Variants in VAV1 observed in about 807,000 individuals in gnomAD.
VAV1 encodes proto-oncogene vav.
Under a neutral mutation model 128.1 loss-of-function variants are expected in VAV1, and 33 were observed. The observed-to-expected ratio is 0.26, with a 90% CI of 0.20 to 0.34. The LOEUF (loss-of-function observed/expected upper bound fraction) is 0.34, where lower values mean the gene tolerates loss of function less well. Among genes scored for constraint, VAV1 ranks in the 10% least tolerant of loss-of-function variants. The pLI, the probability that VAV1 is intolerant of heterozygous loss-of-function variation, is 1.00. For missense variants in VAV1, 715 were observed against 1,093.7 expected (o/e 0.65, Z 4.88); for synonymous variants, 394 against 409.8 (o/e 0.96, Z 0.47).
At chr19:6,808,839 T>C (rs1335083323) in intron 1 of VAV1, among the ~76,000 whole-genome samples, 2 of 152,096 alleles carry the variant, frequency 1.3e-5, no homozygotes, top group Non-Finnish European at 2.9e-5. Flanking sequence ...GTAGGTAGTC[T>C]AGGAGGGCCT....
At chr19:6,851,377 T>G (rs1053602086) in intron 24 of VAV1, among the ~76,000 whole-genome samples, 2 of 152,088 alleles carry the variant, frequency 1.3e-5, no homozygotes, top group Non-Finnish European at 2.9e-5. Context: ...AGATGGGGAC[T>G]TGCTTTGTTG....
At chr19:6,811,502 G>A (rs905280194) in intron 1 of VAV1, among the ~76,000 whole-genome samples, 1 of 152,154 alleles carries the variant, frequency 6.6e-6, no homozygotes, top group African/African-American at 2.4e-5. Context: ...TGTTAAGGGA[G>A]GCTGCAGTTG....
At chr19:6,850,240 T>C (rs1222194884) in intron 23 of VAV1, among the ~76,000 whole-genome samples, 2 of 131,860 alleles carry the variant, frequency 1.5e-5, no homozygotes, top group Non-Finnish European at 3.2e-5. Context: ...TTTTTTTTTT[T>C]TTTTTGTGAT....
chr19:6,783,464 T>C (rs1035921243), intron 1 of VAV1, among the ~76,000 whole-genome samples: 27 of 137,692 alleles, frequency 2.0e-4, no homozygotes, highest in Admixed American at 1.1e-3. Context: ...CGCCATCACC[T>C]CCATCCTTTT....
intron 1 of VAV1, among the ~76,000 whole-genome samples, chr19:6,791,464 G>GGTCCTTGAGCTACCTCCTCATCTCAA (rs1971017588): frequency 6.6e-6 from 1 of 150,818 alleles, no homozygotes; most frequent in Non-Finnish European, 1.5e-5. Context: ...CCTTATCCTG[G>GGTCCTTGAGCTACCTCCTCATCTCAA]GGTCCTTGAG....
At chr19:6,809,977 C>A (rs1179683884) in intron 1 of VAV1, among the ~76,000 whole-genome samples, 2 of 151,866 alleles carry the variant, frequency 1.3e-5, no homozygotes, top group Non-Finnish European at 2.9e-5. Flanking sequence ...TCAAAACCAG[C>A]CTGGACAATG....
Position 6,777,234 on chromosome 19 carries a change from TATCCATCCATCCATCCATCC to T in VAV1, c.204+4257_204+4276del, listed in dbSNP as rs57771330. Among the ~76,000 whole-genome samples, 107 of 145,536 alleles carry T rather than the reference TATCCATCCATCCATCCATCC, an allele frequency of 7.4e-4. 1 individual carries two copies. The highest frequency in any genetic ancestry group is 1.8e-3 in the South Asian group (8 of 4,376). On this transcript the variant is annotated intron_variant, in intron 1 of 26. Coordinates refer to ENST00000602142, the MANE Select transcript of VAV1 (RefSeq NM_005428.4). This position sits in a 1 kb window ranked among gnomAD's most constrained non-coding sequence, Gnocchi z 4.4. Reference sequence around the variant, plus strand: ...TCATCCATCCATTTATCTGTTTAACTATCCATCCATCCATCCATCCATCCATCCATCCATCCATCCATCCA... The same window carrying T: ...TCATCCATCCATTTATCTGTTTAACTATCCATCCATCCATCCATCCATCCA...
intron 1 of VAV1, among the ~76,000 whole-genome samples, chr19:6,804,608 G>A (rs1452295922): frequency 6.6e-6 from 1 of 151,860 alleles, no homozygotes; most frequent in Non-Finnish European, 1.5e-5. Context: ...GTAGAGATGA[G>A]GTTTCGCCAT....
At chr19:6,814,663 C>T (rs867898696) in intron 1 of VAV1, among the ~76,000 whole-genome samples, 436 of 26,392 alleles carry the variant, frequency 0.017, no homozygotes, top group African/African-American at 0.044. Flanking sequence ...TTCCTTCCTT[C>T]CTTCCTTCCT....
Position 6,825,027 on chromosome 19 carries a change from G to A in VAV1, c.655-26G>A, listed in dbSNP as rs142537955. 8.9e-5 allele frequency: 144 copies of A among 1,613,000 alleles called. 1 individual carries two copies. The highest frequency in any genetic ancestry group is 3.3e-4 in the Middle Eastern group (2 of 5,992). ...TCTGGAGGAGGGAATCTTATCTTCC[G>A]TCATCTTTCTCTCCCTTCCCCGCAG... On this transcript the variant is annotated intron_variant, in intron 6 of 26. Coordinates refer to ENST00000602142, the MANE Select transcript of VAV1 (RefSeq NM_005428.4).
intron 1 of VAV1, chr19:6,816,505 T>TGTCTCA (rs1971655593): frequency 6.8e-6 from 1 of 148,010 alleles, no homozygotes; most frequent in African/African-American, 2.6e-5. Flanking sequence ...TCTCTCTCTC[T>TGTCTCA]CACACGCACA....
intron 1 of VAV1, among the ~76,000 whole-genome samples, chr19:6,812,221 G>C (rs942032163): frequency 1.3e-4 from 20 of 152,196 alleles, no homozygotes; most frequent in African/African-American, 4.8e-4. Flanking sequence ...TAGACAGCAG[G>C]AATAGAACTA....
chr19:6,837,304 G>A (rs1755444379), intron 21 of VAV1, among the ~76,000 whole-genome samples: 1 of 152,166 alleles, frequency 6.6e-6, no homozygotes, highest in Non-Finnish European at 1.5e-5. Flanking sequence ...GGTATGGTAG[G>A]GAGGAAGGAG....
chr19:6,819,266 T>G (rs1247853142), intron 1 of VAV1, among the ~76,000 whole-genome samples: 2 of 152,184 alleles, frequency 1.3e-5, no homozygotes, highest in Non-Finnish European at 2.9e-5. Flanking sequence ...CTGAACCTAT[T>G]GAGCCTTTAT....
rs1193087170 is a variant in VAV1 at position 6,841,800 on chromosome 19, T to C, written c.1981-1335T>C. ...ATACTGTTTTTCATAGTGCACCATT[T>C]TCCATTCCCACCAACAGTGCACAAG... On this transcript the variant is annotated intron_variant, in intron 21 of 26. Coordinates refer to ENST00000602142, the MANE Select transcript of VAV1 (RefSeq NM_005428.4). Among the ~76,000 whole-genome samples the C allele has an allele frequency of 4.6e-5, 7 of 152,210 alleles. No individual in the cohort carries two copies. In the East Asian group the frequency reaches 7.7e-4, roughly 17 times the overall value.
chr19:6,785,313 G>A (rs1436848101), intron 1 of VAV1, among the ~76,000 whole-genome samples: 1 of 151,922 alleles, frequency 6.6e-6, no homozygotes, highest in Non-Finnish European at 1.5e-5. Flanking sequence ...CTCGGATACA[G>A]ACATGAGCCA....
rs561362410 is a variant in VAV1 at position 6,816,268 on chromosome 19, C to T, written c.205-4434C>T. On this transcript the variant is annotated intron_variant, in intron 1 of 26. Coordinates refer to ENST00000602142, the MANE Select transcript of VAV1 (RefSeq NM_005428.4). Reference sequence around the variant, plus strand: ...ATCTCCTGACTTCATGATCTGCCCTCCTCGGCTTCCCAAAATGCTGGGATT... The same window carrying T: ...ATCTCCTGACTTCATGATCTGCCCTTCTCGGCTTCCCAAAATGCTGGGATT... Among the ~76,000 whole-genome samples the T allele has an allele frequency of 7.2e-5, 11 of 152,182 alleles. 1 individual carries two copies. Among genetic ancestry groups the T allele is most frequent in the Admixed American group, 7.2e-4 (11 of 15,278 alleles).
intron 1 of VAV1, among the ~76,000 whole-genome samples, chr19:6,813,745 T>C (rs759500816): frequency 8.5e-5 from 13 of 152,088 alleles, no homozygotes; most frequent in Non-Finnish European, 1.6e-4. Context: ...TTGGAGAGAA[T>C]TGAAGATTTT....
chr19:6,778,874 CTT>C (rs1033290621), intron 1 of VAV1, among the ~76,000 whole-genome samples: 1 of 142,348 alleles, frequency 7.0e-6, no homozygotes, highest in Non-Finnish European at 1.5e-5. Flanking sequence ...CCCGTCTCTA[CTT>C]TTTTTTTTTT....
Sources: gnomAD v4.1 joint callset for allele counts (sites outside exome capture counted in the v4.1 genomes callset) on GRCh38, gnomAD v4.1.1 for gene constraint, Gnocchi (gnomAD v3.1) non-coding constraint, MANE v1.5 for transcripts, NCBI Gene and HGNC (gene_info 2026-07-23, HGNC 2026-07-21) for gene names.